C16orf46: variants seen among roughly 807,000 people sequenced by gnomAD.
C16orf46 encodes the protein chromosome 16 open reading frame 46.
A neutral mutation model predicts 5.5 loss-of-function variants in C16orf46; 7 were observed. The ratio of observed to expected loss-of-function variants is 1.28; its 90% CI spans 0.73 to 2.40. The LOEUF is 2.40. C16orf46 is among the 30% of genes most tolerant of loss of function. C16orf46 has a pLI of 0.00. For synonymous variants in C16orf46, 200 were observed against 184.1 expected (o/e 1.09, Z -0.70); for missense variants, 614 against 476.0 (o/e 1.29, Z -2.70).
At chr16:81,072,542 G>T (rs1160777009) in intron 1 of C16orf46, among the ~76,000 whole-genome samples, 1 of 151,938 alleles carries the variant, frequency 6.6e-6, no homozygotes, top group Non-Finnish European at 1.5e-5. Context: ...GCGCCATCAT[G>T]CCAGGCTAAT....
rs374806710 is a variant in C16orf46 at position 81,074,535 on chromosome 16, C to T, written c.-128+2601G>A. Among the ~76,000 whole-genome samples, 4 of 152,198 alleles carry T rather than the reference C, an allele frequency of 2.6e-5. No individual in the cohort carries two copies. The East Asian group carries it at 5.8e-4, about 22-fold the overall frequency. ...GAGTAGCTGGGACTACAGATGCGCG[C>T]CATCACGCCCAGCTAATTTTTGTAT... On this transcript the variant is annotated intron_variant, in intron 1 of 3. Coordinates refer to ENST00000299578, the MANE Select transcript of C16orf46 (RefSeq NM_152337.3).
intron 1 of C16orf46, among the ~76,000 whole-genome samples, chr16:81,075,791 A>C (rs1341246653): frequency 1.3e-5 from 2 of 152,200 alleles, no homozygotes. Context: ...GTAGCTTCCT[A>C]TACCTGGTTG....
chr16:81,065,256 T>C (rs1381715455), intron 2 of C16orf46, among the ~76,000 whole-genome samples: 2 of 152,204 alleles, frequency 1.3e-5, no homozygotes, highest in African/African-American at 4.8e-5. Flanking sequence ...GTGGATCATT[T>C]GAGGTTAGGT....
intron 1 of C16orf46, chr16:81,071,966 G>A (rs947945987): frequency 6.6e-6 from 1 of 152,230 alleles, no homozygotes; most frequent in African/African-American, 2.4e-5. Context: ...ACTGTGAGTG[G>A]AACTAATGTG....
chr16:81,053,895 T>C, exon 4 of C16orf46: 1 of 610,384 alleles, frequency 1.6e-6, no homozygotes, highest in Non-Finnish European at 2.8e-6. Flanking sequence ...CCATGGCAGG[T>C]GTAAATAAGA....
Position 81,063,731 on chromosome 16 carries a change from C to A in C16orf46, c.210+15G>T, listed in dbSNP as rs771064941. ...TGCGAGAGACAGAAAAGCTGTGACT[C>A]AGAAAGATACTCACTGCCTCTTCCC... On this transcript the variant is annotated intron_variant, in intron 3 of 3. Coordinates refer to ENST00000299578, the MANE Select transcript of C16orf46 (RefSeq NM_152337.3). The A allele has an allele frequency of 2.5e-6, 4 of 1,599,124 alleles. No homozygotes were observed. Among genetic ancestry groups the A allele is most frequent in the African/African-American group, 2.7e-5 (2 of 74,516 alleles).
chr16:81,054,561 G>A (rs75422577), intron 3 of C16orf46, among the ~76,000 whole-genome samples: 11,462 of 151,988 alleles, frequency 0.075, 497 homozygotes, highest in East Asian at 0.2. Flanking sequence ...GGCTGGACCC[G>A]AACTCCTGAC....
At chr16:81,063,468 G>T (rs549224132) in intron 3 of C16orf46, among the ~76,000 whole-genome samples, 1 of 152,172 alleles carries the variant, frequency 6.6e-6, no homozygotes, top group East Asian at 1.9e-4. Flanking sequence ...ACAAAGCGAG[G>T]CTGGGAAGAA....
chr16:81,060,972 C>A, downstream of C16orf46: 1 of 1,364,634 alleles, frequency 7.3e-7, no homozygotes, highest in Non-Finnish European at 9.4e-7. Context: ...TAAATCCCAA[C>A]AATCCACTGA....
At chr16:81,073,127 G>A (rs974099804) in intron 1 of C16orf46, among the ~76,000 whole-genome samples, 1 of 152,190 alleles carries the variant, frequency 6.6e-6, no homozygotes, top group Non-Finnish European at 1.5e-5. Context: ...AAATACAGTT[G>A]CTGTTTCACA....
chr16:81,061,854 G>C lies in C16orf46; in HGVS notation c.495C>G (p.Ile165Met). Reference sequence around the variant, plus strand: ...CTTTGTTGCACCAAATAAACTCCTTGATTTGCAGACTTTTTTTCTCTGCTC... The same window carrying C: ...CTTTGTTGCACCAAATAAACTCCTTCATTTGCAGACTTTTTTTCTCTGCTC... The part of the protein sequence containing the change: ...YFRAEKKSLQ[I>M]KEFIWCNKDW... The change falls in exon 4 of 4, where the codon ATC becomes ATG. Residue 165 changes from isoleucine (I) to methionine (M), a missense_variant. Transcript: ENST00000299578. 1 of 1,614,204 alleles carries C rather than the reference G, an allele frequency of 6.2e-7. No individual in the cohort carries two copies. The highest frequency in any genetic ancestry group is 1.1e-5 in the South Asian group (1 of 91,088).
chr16:81,056,687 C>A (rs1177322515), downstream of C16orf46, among the ~76,000 whole-genome samples: 1 of 91,562 alleles, frequency 1.1e-5, no homozygotes, highest in South Asian at 4.7e-4. Context: ...CAGAACAAGA[C>A]TCCGTCTCAA....
downstream of C16orf46, chr16:81,056,374 C>G (rs1341263355): frequency 6.6e-6 from 1 of 152,142 alleles, no homozygotes; most frequent in South Asian, 2.1e-4. Flanking sequence ...ATGGGCCCTC[C>G]TGTTACTCTG....
At chr16:81,058,457 T>A (rs895312993), downstream of C16orf46, among the ~76,000 whole-genome samples, 1 of 152,118 alleles carries the variant, frequency 6.6e-6, no homozygotes, top group African/African-American at 2.4e-5. Flanking sequence ...TTTAGACTGG[T>A]ACAGTGGAAA....
At chr16:81,073,787 CT>C (rs142087806) in intron 1 of C16orf46, among the ~76,000 whole-genome samples, 4,494 of 152,216 alleles carry the variant, frequency 0.03, 192 homozygotes, top group African/African-American at 0.1. Context: ...CATTTAGGAG[CT>C]GAGAAAAGAC....
intron 1 of C16orf46, among the ~76,000 whole-genome samples, chr16:81,067,905 A>C (rs1971702698): frequency 2.0e-5 from 3 of 152,226 alleles, no homozygotes; most frequent in African/African-American, 7.2e-5. Flanking sequence ...GAAAGAAAAA[A>C]ACACACAGAT....
chr16:81,069,432 T>G (rs1263440588), intron 1 of C16orf46, among the ~76,000 whole-genome samples: 1 of 152,242 alleles, frequency 6.6e-6, no homozygotes, highest in Non-Finnish European at 1.5e-5. Context: ...CACAGCCAAC[T>G]GTGATGCAGA....
intron 1 of C16orf46, among the ~76,000 whole-genome samples, chr16:81,074,328 T>C (rs974460591): frequency 1.3e-5 from 2 of 152,192 alleles, no homozygotes; most frequent in African/African-American, 4.8e-5. Flanking sequence ...TGATCTGAAA[T>C]CTACATCTAT....
intron 1 of C16orf46, among the ~76,000 whole-genome samples, chr16:81,070,981 A>G (rs1971831096): frequency 6.6e-6 from 1 of 152,164 alleles, no homozygotes; most frequent in Admixed American, 6.5e-5. Flanking sequence ...GAATTATCAA[A>G]TAATTTTCAT....
Sources: gnomAD v4.1 joint callset for allele counts (sites outside exome capture counted in the v4.1 genomes callset) on GRCh38, gnomAD v4.1.1 for gene constraint, MANE v1.5 for transcripts, NCBI Gene and HGNC (gene_info 2026-07-23, HGNC 2026-07-21) for gene names.